ARHGEF3: variants seen among roughly 807,000 people sequenced by gnomAD.
The protein encoded by ARHGEF3 is Rho guanine nucleotide exchange factor 3.
In ARHGEF3, 28 loss-of-function variants were observed where a neutral mutation model predicts 63.2. That is an observed-to-expected ratio of 0.44 (90% CI 0.33 to 0.61). ARHGEF3 has a LOEUF of 0.61. Among genes scored for constraint, ARHGEF3 ranks in the 20% least tolerant of loss-of-function variants. The pLI is 0.03. For synonymous variants in ARHGEF3, 266 were observed against 254.2 expected (o/e 1.05, Z -0.44); for missense variants, 533 against 659.3 (o/e 0.81, Z 2.10).
intron 2 of ARHGEF3, among the ~76,000 whole-genome samples, chr3:56,985,268 T>C (rs1042068664): frequency 2.0e-5 from 3 of 152,260 alleles, no homozygotes; most frequent in African/African-American, 7.2e-5. Context: ...TTTGTATTTT[T>C]AGCAGAGAGA....
chr3:56,759,847 A>G (rs2035320039), intron 2 of ARHGEF3, among the ~76,000 whole-genome samples: 1 of 152,214 alleles, frequency 6.6e-6, no homozygotes, highest in Non-Finnish European at 1.5e-5. Context: ...TGCCCAGCCT[A>G]CAATTAACCA....
intron 1 of ARHGEF3, among the ~76,000 whole-genome samples, chr3:57,065,056 A>G (rs1705446743): frequency 6.6e-6 from 1 of 152,256 alleles, no homozygotes; most frequent in South Asian, 2.1e-4. Flanking sequence ...TGTAGGGAGA[A>G]GTAGGGTGGA....
Position 56,775,206 on chromosome 3 carries a change from T to C in ARHGEF3, c.97-1390A>G, listed in dbSNP as rs1168455581. 2.1e-6 allele frequency: 3 copies of C among 1,452,018 alleles called. No homozygotes were observed. In the Admixed American group the frequency reaches 7.5e-5, roughly 36 times the overall value. The allele number at this position is 1,452,018 out of a possible 1,614,324, so 89.9% of individuals were successfully genotyped here. ...AGGCAGAACTTCAGATTCTCCAGGA[T>C]ATTTCTGCATCCCCGTTCTGAACAT... On this transcript the variant is annotated intron_variant, in intron 1 of 9. Coordinates refer to ENST00000296315, the MANE Select transcript of ARHGEF3 (RefSeq NM_019555.3).
intron 4 of ARHGEF3, chr3:56,882,236 C>T (rs2040790337): frequency 1.3e-6 from 2 of 1,492,540 alleles, no homozygotes; most frequent in Non-Finnish European, 1.8e-6. Context: ...AACAAATAAC[C>T]TTCGGAGAAG....
rs117675613 is a variant in ARHGEF3, at chr3:57,035,744, G to A, written c.-27-568C>T. ...GAAGAAGTGATGTGTGCCACTTCTC[G>A]GTCTAGGTCTTAGGATATGAGCAAC... On this transcript the variant is annotated intron_variant, in intron 1 of 12. Coordinates refer to the ARHGEF3 transcript ENST00000338458. Among the ~76,000 whole-genome samples the A allele has an allele frequency of 8.3e-4, 126 of 152,316 alleles. 3 individuals carry two copies. In the East Asian group the frequency reaches 0.018, roughly 22 times the overall value.
intron 1 of ARHGEF3, among the ~76,000 whole-genome samples, chr3:57,067,438 G>GT (rs1705607164): frequency 7.1e-6 from 1 of 139,904 alleles, no homozygotes; most frequent in East Asian, 2.4e-4. Flanking sequence ...CTGGGTGACA[G>GT]CAAGACTCTG....
Position 56,732,426 on chromosome 3 carries a change from T to C in ARHGEF3, c.1042-2A>G. On this transcript the variant is annotated splice_acceptor_variant, in intron 8 of 9. Transcript: ENST00000296315. LOFTEE classifies it high-confidence loss of function. ...TTGGAACAGGAAAACATGCAGTTTC[T>C]AGAAGAAAAAAATCCACAAGCTTTC... 6.2e-7 allele frequency: 1 copy of C among 1,613,948 alleles called. No homozygotes were observed. The highest frequency in any genetic ancestry group is 8.5e-7 in the Non-Finnish European group (1 of 1,179,954).
At chr3:56,888,383 C>G (rs865994815) in intron 3 of ARHGEF3, among the ~76,000 whole-genome samples, 15 of 152,228 alleles carry the variant, frequency 9.9e-5, no homozygotes, top group Middle Eastern at 3.4e-3. Context: ...AGGGAACATC[C>G]AGCTGAACCA....
intron 3 of ARHGEF3, among the ~76,000 whole-genome samples, chr3:56,927,060 G>A (rs886610990): frequency 2.6e-5 from 4 of 152,236 alleles, no homozygotes; most frequent in African/African-American, 9.6e-5. Flanking sequence ...ACAGAAGTGA[G>A]GAATAGGAGT....
At chr3:57,004,028 C>A (rs929577095) in intron 2 of ARHGEF3, among the ~76,000 whole-genome samples, 2 of 152,144 alleles carry the variant, frequency 1.3e-5, no homozygotes, top group Non-Finnish European at 2.9e-5. Context: ...AGTCAATGAC[C>A]CTGACCCCAG....
chr3:57,002,478 G>T (rs1218071158), intron 2 of ARHGEF3, among the ~76,000 whole-genome samples: 1 of 13,662 alleles, frequency 7.3e-5, no homozygotes, highest in African/African-American at 3.5e-4. Flanking sequence ...ATATATATAT[G>T]TTATATATAT....
chr3:57,032,070 G>A (rs1703756161), intron 2 of ARHGEF3, among the ~76,000 whole-genome samples: 1 of 152,144 alleles, frequency 6.6e-6, no homozygotes, highest in Non-Finnish European at 1.5e-5. Context: ...ACATTTTAGG[G>A]TAGGTTGACT....
At chr3:56,853,070 T>C (rs748377435) in intron 4 of ARHGEF3, among the ~76,000 whole-genome samples, 4 of 152,200 alleles carry the variant, frequency 2.6e-5, no homozygotes, top group Non-Finnish European at 4.4e-5. Context: ...TTGAATTTGA[T>C]CCAAAAATGG....
chr3:56,993,323 C>T (rs1434991150), intron 2 of ARHGEF3, among the ~76,000 whole-genome samples: 1 of 152,094 alleles, frequency 6.6e-6, no homozygotes. Flanking sequence ...GAAGAAGACC[C>T]CAACCAGAGG....
chr3:56,877,951 T>A lies in ARHGEF3; in HGVS notation c.192+4341A>T, dbSNP rs998933084. ...TGAAAAAAAATTAAAGGTTTGTATATAATGACAGGAAGGAAATACATCAAA... is the reference window on the plus strand; with the variant it reads ...TGAAAAAAAATTAAAGGTTTGTATAAAATGACAGGAAGGAAATACATCAAA... On this transcript the variant is annotated intron_variant, in intron 4 of 12. Coordinates refer to the ARHGEF3 transcript ENST00000338458. 3.3e-5 allele frequency among the ~76,000 whole-genome samples: 5 copies of A among 152,338 alleles called. No individual in the cohort carries two copies. The South Asian group carries it at 1.0e-3, about 32-fold the overall frequency.
chr3:57,011,968 G>T (rs537039662), intron 2 of ARHGEF3, among the ~76,000 whole-genome samples: 160 of 152,192 alleles, frequency 1.1e-3, no homozygotes, highest in African/African-American at 3.8e-3. Context: ...ACTGGCCCTG[G>T]GTCCTGGGTG....
intron 2 of ARHGEF3, among the ~76,000 whole-genome samples, chr3:57,000,570 G>GT (rs1702156599): frequency 6.6e-6 from 1 of 152,088 alleles, no homozygotes; most frequent in Non-Finnish European, 1.5e-5. Flanking sequence ...GTCTCACTCT[G>GT]TCGCCCAGGC....
intron 4 of ARHGEF3, among the ~76,000 whole-genome samples, chr3:56,859,032 C>G (rs1328755628): frequency 6.6e-6 from 1 of 152,160 alleles, no homozygotes; most frequent in East Asian, 1.9e-4. Flanking sequence ...AAGGATGGGA[C>G]TGTGGGGGCA....
intron 1 of ARHGEF3, among the ~76,000 whole-genome samples, chr3:56,784,069 A>G (rs1051405111): frequency 8.5e-5 from 13 of 152,246 alleles, no homozygotes; most frequent in Non-Finnish European, 2.9e-5. Flanking sequence ...CCCAGACATG[A>G]TGCTACAGAC....
Sources: allele counts gnomAD v4.1 joint callset (sites outside exome capture counted in the v4.1 genomes callset), GRCh38; gene constraint gnomAD v4.1.1; transcripts MANE v1.5; gene names NCBI Gene and HGNC (gene_info 2026-07-23, HGNC 2026-07-21).